CCSER1: variants seen among roughly 807,000 people sequenced by gnomAD.
CCSER1 encodes the protein serine-rich coiled-coil domain-containing protein 1.
A neutral mutation model predicts 82.0 loss-of-function variants in CCSER1; 41 were observed. The ratio of observed to expected loss-of-function variants is 0.50; its 90% CI spans 0.39 to 0.65. CCSER1 has a LOEUF of 0.65. Ranked by LOEUF, CCSER1 falls within the 30% of genes least tolerant of loss-of-function variation. CCSER1 has a pLI of 0.00. For synonymous variants in CCSER1, 414 were observed against 383.9 expected (o/e 1.08, Z -0.92); for missense variants, 1,119 against 1,064.2 (o/e 1.05, Z -0.72).
intron 10 of CCSER1, among the ~76,000 whole-genome samples, chr4:91,591,536 A>G (rs972992993): frequency 6.6e-6 from 1 of 152,188 alleles, no homozygotes; most frequent in Admixed American, 6.6e-5. Context: ...CAACTAGACC[A>G]GTGTCAAATG....
chr4:90,683,426 A>G (rs1734248860), intron 6 of CCSER1, among the ~76,000 whole-genome samples: 2 of 152,084 alleles, frequency 1.3e-5, no homozygotes, highest in Admixed American at 6.6e-5. Context: ...TACCCTCTAT[A>G]AATCATAATC....
intron 9 of CCSER1, among the ~76,000 whole-genome samples, chr4:90,955,257 T>C (rs1733319670): frequency 6.6e-6 from 1 of 152,188 alleles, no homozygotes; most frequent in Non-Finnish European, 1.5e-5. Flanking sequence ...GGATATCAGA[T>C]GCTTGTAATG....
Position 90,455,818 on chromosome 4 carries a change from A to T in CCSER1, c.1604-12416A>T, listed in dbSNP as rs571389425. On this transcript the variant is annotated intron_variant, in intron 4 of 10. Coordinates refer to ENST00000509176, the MANE Select transcript of CCSER1 (RefSeq NM_001145065.2). ...GGTAGGAGGATGACCTCCATCCACG[A>T]TGCAGGAGGGCCTAGTTGGCAGGAG... 5.9e-5 allele frequency among the ~76,000 whole-genome samples: 9 copies of T among 152,252 alleles called. No individual in the cohort carries two copies. In the South Asian group the frequency reaches 1.7e-3, roughly 28 times the overall value.
At chr4:91,088,151 TA>T (rs1723570637) in intron 10 of CCSER1, among the ~76,000 whole-genome samples, 1 of 152,102 alleles carries the variant, frequency 6.6e-6, no homozygotes, top group Non-Finnish European at 1.5e-5. Context: ...AGAAAACTCT[TA>T]CTCCAAATGA....
intron 1 of CCSER1, among the ~76,000 whole-genome samples, chr4:90,198,664 G>C (rs186796924): frequency 1.5e-3 from 232 of 152,176 alleles, no homozygotes; most frequent in South Asian, 3.9e-3. Flanking sequence ...GCAATAAAAT[G>C]GATGCTTCCT....
At chr4:90,166,743 A>G (rs1339079163) in intron 1 of CCSER1, among the ~76,000 whole-genome samples, 3 of 151,992 alleles carry the variant, frequency 2.0e-5, no homozygotes, top group Non-Finnish European at 4.4e-5. Flanking sequence ...AGATATTTTT[A>G]TTGCAAATGT....
intron 8 of CCSER1, among the ~76,000 whole-genome samples, chr4:90,853,175 G>A (rs1269297270): frequency 6.6e-6 from 1 of 152,048 alleles, no homozygotes; most frequent in East Asian, 1.9e-4. Context: ...TAATTTACTG[G>A]CTTTGTATTC....
chr4:91,223,767 A>G (rs912379255), intron 10 of CCSER1, among the ~76,000 whole-genome samples: 2 of 152,090 alleles, frequency 1.3e-5, no homozygotes, highest in Non-Finnish European at 2.9e-5. Context: ...AAAATAGGAT[A>G]AATCTGACTG....
chr4:90,308,790 C>G lies in CCSER1; in HGVS notation c.506C>G (p.Thr169Ser). 1 of 1,613,780 alleles carries G rather than the reference C, an allele frequency of 6.2e-7. No homozygotes were observed. Among genetic ancestry groups the G allele is most frequent in the Non-Finnish European group, 8.5e-7 (1 of 1,179,830 alleles). ...GATTCTGGTTTCACAGAAGACCAAA[C>G]TCGTCGTTCTGTTAAGCAGTCAACA... is the stretch of plus-strand genomic sequence containing the variant. ...GDDSGFTEDQ[T>S]RRSVKQSTRK... The change falls in exon 2 of 11, where the codon ACT becomes AGT. Residue 169 changes from threonine (T) to serine (S), a missense_variant. Physicochemically the swap from Thr to Ser is moderately conservative, Grantham distance 58. Coordinates refer to ENST00000509176, the MANE Select transcript of CCSER1 (RefSeq NM_001145065.2).
intron 5 of CCSER1, among the ~76,000 whole-genome samples, chr4:90,605,146 A>G (rs2148781421): frequency 6.6e-6 from 1 of 152,302 alleles, no homozygotes; most frequent in East Asian, 1.9e-4. Flanking sequence ...CTAGACCACG[A>G]ACCCCCCAGA....
intron 10 of CCSER1, among the ~76,000 whole-genome samples, chr4:91,477,956 A>G (rs1757683919): frequency 6.6e-6 from 1 of 151,884 alleles, no homozygotes; most frequent in Admixed American, 6.6e-5. Flanking sequence ...TGACTGATTC[A>G]AGGTCATAGA....
intron 10 of CCSER1, among the ~76,000 whole-genome samples, chr4:91,361,589 G>A (rs17018395): frequency 0.062 from 9,466 of 151,734 alleles, 1,020 homozygotes; most frequent in African/African-American, 0.22. Context: ...TAGTCAATAT[G>A]TTTCCATTGG....
chr4:91,002,385 C>T (rs1337507208), intron 9 of CCSER1, among the ~76,000 whole-genome samples: 3 of 152,100 alleles, frequency 2.0e-5, no homozygotes, highest in African/African-American at 7.2e-5. Context: ...TCAGGAATAC[C>T]AGTTATTCTT....
chr4:90,941,780 A>C (rs527542132), intron 9 of CCSER1, among the ~76,000 whole-genome samples: 1 of 152,326 alleles, frequency 6.6e-6, no homozygotes, highest in African/African-American at 2.4e-5. Flanking sequence ...CTCATTTTCA[A>C]ACACATCAGT....
intron 3 of CCSER1, among the ~76,000 whole-genome samples, chr4:90,367,640 G>T (rs1746499763): frequency 6.6e-6 from 1 of 151,372 alleles, no homozygotes. Flanking sequence ...TATAAAATGA[G>T]GAAAAAAATG....
intron 1 of CCSER1, among the ~76,000 whole-genome samples, chr4:90,259,390 G>A (rs1264119693): frequency 6.6e-6 from 1 of 151,808 alleles, no homozygotes; most frequent in Non-Finnish European, 1.5e-5. Context: ...TGGTTTTCTA[G>A]GTATATGATC....
At chr4:91,554,481 T>A (rs1056081255) in intron 10 of CCSER1, among the ~76,000 whole-genome samples, 1 of 151,198 alleles carries the variant, frequency 6.6e-6, no homozygotes, top group East Asian at 1.9e-4. Context: ...GAACTTGGAA[T>A]AAATTTAACC....
chr4:90,638,061 A>G (rs901318630), intron 6 of CCSER1, among the ~76,000 whole-genome samples: 7 of 152,240 alleles, frequency 4.6e-5, no homozygotes, highest in Admixed American at 2.6e-4. Flanking sequence ...AACTTGAAAT[A>G]GGTGCGGGAT....
chr4:90,240,412 G>A lies in CCSER1; in HGVS notation c.-41-67832G>A, dbSNP rs114601086. Among the ~76,000 whole-genome samples the A allele has an allele frequency of 1.7e-3, 266 of 152,190 alleles. 1 individual carries two copies. The highest frequency in any genetic ancestry group is 6.1e-3 in the African/African-American group (255 of 41,518). On this transcript the variant is annotated intron_variant, in intron 1 of 10. Transcript: ENST00000509176. ...CTGCAAGATTGGCAAGCAACCACAC[G>A]TTCTTATACCCTGCATGGCTTGGCA...
Sources: allele counts gnomAD v4.1 joint callset (sites outside exome capture counted in the v4.1 genomes callset), GRCh38; gene constraint gnomAD v4.1.1; transcripts MANE v1.5; gene names NCBI Gene and HGNC (gene_info 2026-07-23, HGNC 2026-07-21).